The following TASP1 variants were observed in gnomAD, a reference collection of about 807,000 sequenced individuals.
TASP1 encodes taspase 1.
TASP1 carries 16 observed loss-of-function variants against 56.6 expected under a neutral mutation model. The observed-to-expected ratio is 0.28, with a 90% CI of 0.19 to 0.43. TASP1 has a LOEUF of 0.43. TASP1 is among the 20% of genes least tolerant of loss of function. The probability of loss-of-function intolerance (pLI) is 1.00; values close to 1 mark genes in which losing one functional copy is unlikely to be tolerated. For missense variants in TASP1, 393 were observed against 511.6 expected, an observed-to-expected ratio of 0.77 and a Z score of 2.24; for synonymous variants, 179 against 184.2, an observed-to-expected ratio of 0.97 and a Z score of 0.23.
chr20:13,631,828 G>A (rs1185820571), intron 1 of TASP1, among the ~76,000 whole-genome samples: 2 of 152,154 alleles, frequency 1.3e-5, no homozygotes, highest in African/African-American at 4.8e-5. Flanking sequence ...CACTTCGGGA[G>A]GCCAAGGCGG....
chr20:13,309,172 C>T, the TASP1 span, among the ~76,000 whole-genome samples: 10 of 151,914 alleles, frequency 6.6e-5, no homozygotes, highest in Admixed American at 2.0e-4. Flanking sequence ...AATAAAAATA[C>T]TAAACTATGC....
the TASP1 span, among the ~76,000 whole-genome samples, chr20:13,323,489 C>T: frequency 6.6e-6 from 1 of 152,180 alleles, no homozygotes; most frequent in Non-Finnish European, 1.5e-5. Flanking sequence ...AACTTATATC[C>T]TACCAAATCC....
chr20:13,573,593 T>TTTAC (rs2046793164), intron 6 of TASP1, among the ~76,000 whole-genome samples: 1 of 152,220 alleles, frequency 6.6e-6, no homozygotes, highest in African/African-American at 2.4e-5. Context: ...TTTGAGCTTA[T>TTTAC]TTACATGTGA....
At chr20:13,561,399 T>C (rs1261415392) in intron 7 of TASP1, among the ~76,000 whole-genome samples, 1 of 152,178 alleles carries the variant, frequency 6.6e-6, no homozygotes, top group Non-Finnish European at 1.5e-5. Context: ...AGAGTCTCCC[T>C]CTGTCGCCCA....
intron 8 of TASP1, among the ~76,000 whole-genome samples, chr20:13,552,361 A>G (rs973588336): frequency 6.6e-6 from 1 of 152,210 alleles, no homozygotes; most frequent in Non-Finnish European, 1.5e-5. Context: ...TAAGTGATGA[A>G]TTTACAGAAG....
chr20:13,605,687 A>G (rs1394957796), intron 4 of TASP1, among the ~76,000 whole-genome samples: 1 of 152,026 alleles, frequency 6.6e-6, no homozygotes, highest in Non-Finnish European at 1.5e-5. Flanking sequence ...CTAAAAAAAA[A>G]TAATAATAAA....
At chr20:13,446,623 C>T (rs765332724) in intron 11 of TASP1, among the ~76,000 whole-genome samples, 5 of 152,022 alleles carry the variant, frequency 3.3e-5, no homozygotes, top group East Asian at 1.9e-4. Flanking sequence ...ATTTTCAATG[C>T]CCTATATTCA....
intron 10 of TASP1, among the ~76,000 whole-genome samples, chr20:13,489,241 G>C (rs964618703): frequency 2.6e-5 from 4 of 152,208 alleles, no homozygotes; most frequent in East Asian, 1.9e-4. Context: ...GTTCCAGAAG[G>C]CTGTTTTACC....
At chr20:13,219,861 T>C in the TASP1 span, among the ~76,000 whole-genome samples, 1 of 152,156 alleles carries the variant, frequency 6.6e-6, no homozygotes, top group Non-Finnish European at 1.5e-5. Flanking sequence ...TGGTTAATAC[T>C]TGGTTGAGAT....
the TASP1 span, among the ~76,000 whole-genome samples, chr20:13,235,927 C>CTTTTT: frequency 6.7e-6 from 1 of 149,578 alleles, no homozygotes; most frequent in African/African-American, 2.5e-5. Context: ...TTGTACTTCC[C>CTTTTT]TTTTTTCTTT....
At chr20:13,426,826 C>A (rs1271514032) in intron 12 of TASP1, among the ~76,000 whole-genome samples, 1 of 152,138 alleles carries the variant, frequency 6.6e-6, no homozygotes, top group Non-Finnish European at 1.5e-5. Flanking sequence ...TAAGAGATAT[C>A]TTCACTATAG....
the TASP1 span, chr20:13,160,095 G>A: frequency 6.2e-7 from 1 of 1,613,874 alleles, no homozygotes; most frequent in Non-Finnish European, 8.5e-7. Flanking sequence ...GCTCGGTTTT[G>A]TGTTTCAGCG....
chr20:13,634,862 C>G lies in TASP1; in HGVS notation c.-75+4032G>C, dbSNP rs188638768. Among the ~76,000 whole-genome samples, 430 of 151,664 alleles carry G rather than the reference C, an allele frequency of 2.8e-3. 1 individual carries two copies. Among genetic ancestry groups the G allele is most frequent in the African/African-American group, 9.7e-3 (402 of 41,334 alleles). On this transcript the variant is annotated intron_variant, in intron 1 of 13. Coordinates refer to ENST00000337743, the MANE Select transcript of TASP1 (RefSeq NM_017714.3). ...TGACCAACAAGGAGAAACCCCGTCT[C>G]TACTAAAAATACAAAAATAGCTAGG...
At chr20:13,361,549 A>T in the TASP1 span, among the ~76,000 whole-genome samples, 1 of 152,166 alleles carries the variant, frequency 6.6e-6, no homozygotes. Context: ...TTCCCTTCTC[A>T]GAATTCAGGC....
At position 13,559,187 on chromosome 20, in the gene TASP1, C is replaced by G. The variant is rs1017210799; in HGVS notation, c.569-73G>C. ...TAGGGCAATGGGTCAAATAAGATAT[C>G]TGAAGAGCCTTCCCAGAAGAAAATC... On this transcript the variant is annotated intron_variant, in intron 7 of 13. Coordinates refer to ENST00000337743, the MANE Select transcript of TASP1 (RefSeq NM_017714.3). 33 of 917,884 alleles carry G rather than the reference C, an allele frequency of 3.6e-5. No homozygotes were observed. The African/African-American group carries it at 5.2e-4, about 14-fold the overall frequency. 56.9% of individuals were successfully genotyped at this position (917,884 alleles called of 1,614,324 possible). A position where few individuals can be genotyped will look rare whatever the true frequency, so the allele number is the denominator to read the frequency against.
the TASP1 span, among the ~76,000 whole-genome samples, chr20:13,179,632 G>A: frequency 6.6e-6 from 1 of 152,144 alleles, no homozygotes; most frequent in African/African-American, 2.4e-5. Flanking sequence ...TGTATTCCAA[G>A]ACAAAAGTGT....
At chr20:13,613,598 C>T (rs6042246) in intron 4 of TASP1, among the ~76,000 whole-genome samples, 4,323 of 152,070 alleles carry the variant, frequency 0.028, 213 homozygotes, top group African/African-American at 0.096. Context: ...TGTAGTGATG[C>T]TGCCTGTTCT....
chr20:13,420,350 T>C (rs1423090390), intron 12 of TASP1, among the ~76,000 whole-genome samples: 9 of 152,214 alleles, frequency 5.9e-5, no homozygotes, highest in Non-Finnish European at 1.3e-4. Flanking sequence ...ATGAATGGTT[T>C]TCAATAAAAT....
chr20:13,164,482 C>T, the TASP1 span: 2 of 535,740 alleles, frequency 3.7e-6, no homozygotes, highest in Admixed American at 2.6e-5. Flanking sequence ...GCATGGGTCA[C>T]ATGTTTTTAT....
Sources: allele counts gnomAD v4.1 joint callset (sites outside exome capture counted in the v4.1 genomes callset), GRCh38; gene constraint gnomAD v4.1.1; transcripts MANE v1.5; gene names NCBI Gene and HGNC (gene_info 2026-07-23, HGNC 2026-07-21).